Variants in RIMKLB observed in about 807,000 individuals in gnomAD.
The protein encoded by RIMKLB is beta-citrylglutamate synthase B.
In RIMKLB, 7 loss-of-function variants were observed where a neutral mutation model predicts 32.0. The observed-to-expected ratio is 0.22, with a 90% confidence interval of 0.12 to 0.41. The LOEUF (loss-of-function observed/expected upper bound fraction) is 0.41. RIMKLB is among the 10% of genes least tolerant of loss of function. RIMKLB has a pLI of 1.00. For missense variants in RIMKLB, 289 were observed against 498.7 expected, an observed-to-expected ratio of 0.58 and a Z score of 4.00; for synonymous variants, 172 against 185.1, an observed-to-expected ratio of 0.93 and a Z score of 0.57.
chr12:8,730,896 C>T (rs1181849173), intron 2 of RIMKLB, among the ~76,000 whole-genome samples: 2 of 151,994 alleles, frequency 1.3e-5, no homozygotes, highest in African/African-American at 4.8e-5. Context: ...TATGCCTTCA[C>T]ACCTGGCTAA....
At chr12:8,697,196 G>C (rs370480118), upstream of RIMKLB, 3 of 152,324 alleles carry the variant, frequency 2.0e-5, no homozygotes, top group South Asian at 6.2e-4. Context: ...GGTTTCTAGG[G>C]GGCAGAGCTG....
intron 1 of RIMKLB, among the ~76,000 whole-genome samples, chr12:8,704,971 A>AACACACACACACACACACACAC (rs3076182): frequency 4.3e-4 from 63 of 146,664 alleles, no homozygotes; most frequent in African/African-American, 1.1e-3. Flanking sequence ...TCACCTCTAA[A>AACACACACACACACACACACAC]ACACACACAC....
At chr12:8,710,078 C>T (rs994278366) in intron 1 of RIMKLB, among the ~76,000 whole-genome samples, 2 of 151,976 alleles carry the variant, frequency 1.3e-5, no homozygotes, top group Admixed American at 1.3e-4. Flanking sequence ...TTTCGACTTC[C>T]CAGATTCAAG....
intron 1 of RIMKLB, among the ~76,000 whole-genome samples, chr12:8,710,114 G>GT (rs1591673214): frequency 1.3e-5 from 2 of 151,648 alleles, no homozygotes; most frequent in East Asian, 3.9e-4. Flanking sequence ...CGCCACCTGA[G>GT]TAGCTGGGTT....
rs370190605 is a variant in RIMKLB at position 8,750,098 on chromosome 12, C to T, written c.406+6C>T. 3.2e-6 allele frequency: 5 copies of T among 1,563,044 alleles called. No individual in the cohort carries two copies. Among genetic ancestry groups the T allele is most frequent in the Non-Finnish European group, 8.8e-7 (1 of 1,134,282 alleles). ...GCCGGATACTTTCTCTTATGGTGAG[C>T]CTACTAAAGAGCATACATAGCCTGA... On this transcript the variant is annotated splice_donor_region_variant and intron_variant, in intron 3 of 5. Transcript: ENST00000535829.
chr12:8,775,579 G>T lies in RIMKLB; in HGVS notation c.*1795G>T. 1.0e-6 allele frequency: 1 copy of T among 985,718 alleles called. No homozygotes were observed. Among genetic ancestry groups the T allele is most frequent in the South Asian group, 4.7e-5 (1 of 21,270 alleles). The allele number at this position is 985,718 out of a possible 1,614,324, so 61.1% of individuals were successfully genotyped here. ...ACATAATTTCTTGGACACTACTAGA[G>T]AGACTTCGAGGCAATAATAAAAGAT... On this transcript the variant is annotated 3_prime_UTR_variant, in exon 6 of 6. Coordinates refer to ENST00000535829, the MANE Select transcript of RIMKLB (RefSeq NM_001297776.2).
At position 8,774,888 on chromosome 12, in the gene RIMKLB, G is replaced by T. The variant is rs2138324718; in HGVS notation, c.*1104G>T. ...CGAGGGAGTATATGTGTATGTGTGT[G>T]CACGCATGCATGTGTATGTGTTTTG... On this transcript the variant is annotated 3_prime_UTR_variant, in exon 6 of 6. Transcript: ENST00000535829. 1.0e-6 allele frequency: 1 copy of T among 985,582 alleles called. No individual in the cohort carries two copies. The highest frequency in any genetic ancestry group is 1.7e-5 in the African/African-American group (1 of 57,334). The allele number at this position is 985,582 out of a possible 1,614,324, so 61.1% of individuals were successfully genotyped here.
intron 2 of RIMKLB, among the ~76,000 whole-genome samples, chr12:8,731,709 A>G (rs1472192764): frequency 2.0e-5 from 3 of 152,156 alleles, no homozygotes; most frequent in South Asian, 2.1e-4. Flanking sequence ...GGCATCTTAT[A>G]TATGTAGAAT....
At chr12:8,742,376 A>AG (rs1005666109) in intron 2 of RIMKLB, 6 of 228,252 alleles carry the variant, frequency 2.6e-5, no homozygotes, top group African/African-American at 1.4e-4. Flanking sequence ...CTACCTAGAG[A>AG]GGGAGGGGTC....
intron 1 of RIMKLB, among the ~76,000 whole-genome samples, chr12:8,690,659 T>C (rs746683659): frequency 6.6e-6 from 1 of 152,328 alleles, no homozygotes; most frequent in African/African-American, 2.4e-5. Context: ...GTGCAGTGGC[T>C]CACGCCTGTA....
chr12:8,772,766 CCAAGTGAGA>C (rs1950512255), intron 5 of RIMKLB, among the ~76,000 whole-genome samples: 2 of 152,210 alleles, frequency 1.3e-5, no homozygotes, highest in Admixed American at 6.5e-5. Flanking sequence ...AAGCTGATCT[CCAAGTGAGA>C]AAATCAAGTT....
chr12:8,768,011 C>T (rs1303369822), intron 5 of RIMKLB, among the ~76,000 whole-genome samples: 1 of 152,142 alleles, frequency 6.6e-6, no homozygotes, highest in Non-Finnish European at 1.5e-5. Context: ...GGCGGCAGGG[C>T]CACTTCCAAT....
intron 1 of RIMKLB, among the ~76,000 whole-genome samples, chr12:8,704,072 T>C (rs1943639436): frequency 6.6e-6 from 1 of 152,180 alleles, no homozygotes; most frequent in African/African-American, 2.4e-5. Flanking sequence ...ACAGATTAAG[T>C]GCCAAAATAT....
the RIMKLB span, among the ~76,000 whole-genome samples, chr12:8,670,267 T>A: frequency 6.6e-6 from 1 of 151,994 alleles, no homozygotes; most frequent in Admixed American, 6.6e-5. Context: ...AACCCCAAAG[T>A]CCATAGTCCA....
intron 2 of RIMKLB, among the ~76,000 whole-genome samples, chr12:8,743,264 G>T (rs1344849959): frequency 6.8e-6 from 1 of 146,032 alleles, no homozygotes; most frequent in African/African-American, 2.6e-5. Context: ...TGAGGCAAGA[G>T]AATTGTTTGC....
chr12:8,715,445 C>G (rs962808795), intron 2 of RIMKLB, among the ~76,000 whole-genome samples: 12 of 151,906 alleles, frequency 7.9e-5, no homozygotes, highest in African/African-American at 2.9e-4. Context: ...GGCTGGTCTC[C>G]AACTCTGAAC....
At chr12:8,703,297 A>G (rs1284033729) in intron 1 of RIMKLB, among the ~76,000 whole-genome samples, 1 of 152,090 alleles carries the variant, frequency 6.6e-6, no homozygotes, top group African/African-American at 2.4e-5. Context: ...AAAAAGAAAA[A>G]GAAAAGAAAA....
chr12:8,700,001 G>A (rs1943248407), intron 1 of RIMKLB: 2 of 152,198 alleles, frequency 1.3e-5, no homozygotes, highest in Non-Finnish European at 2.9e-5. Flanking sequence ...GTTTCTAGTG[G>A]ATAGCTTTCT....
rs1405102336 is a variant in RIMKLB, at chr12:8,698,203, T to G, written c.-151T>G. The stretch of plus-strand genomic sequence containing the variant: ...TCCCGACCCCCTCCCCCTCCTCTCC[T>G]TCCCCCACTTCCAGCCGCCCGGCGG... On this transcript the variant is annotated 5_prime_UTR_variant, in exon 1 of 6. Transcript: ENST00000535829. 1 of 363,108 alleles carries G rather than the reference T, an allele frequency of 2.8e-6. No individual in the cohort carries two copies. Among genetic ancestry groups the G allele is most frequent in the Non-Finnish European group, 5.6e-6 (1 of 178,916 alleles). 22.5% of individuals were successfully genotyped at this position (363,108 alleles called of 1,614,324 possible).
Sources: gnomAD v4.1 joint callset for allele counts (sites outside exome capture counted in the v4.1 genomes callset) on GRCh38, gnomAD v4.1.1 for gene constraint, MANE v1.5 for transcripts, NCBI Gene and HGNC (gene_info 2026-07-23, HGNC 2026-07-21) for gene names.